Variants in LRIG1 observed in about 807,000 individuals in gnomAD.
LRIG1 encodes leucine-rich repeats and immunoglobulin-like domains protein 1.
A neutral mutation model predicts 99.2 loss-of-function variants in LRIG1; 48 were observed. The observed-to-expected ratio is 0.48, with a 90% CI of 0.38 to 0.62. The LOEUF (loss-of-function observed/expected upper bound fraction) is 0.62. LRIG1 is among the 20% of genes least tolerant of loss of function. The pLI, the probability that LRIG1 is intolerant of heterozygous loss-of-function variation, is 0.00. For missense variants in LRIG1, 1,646 were observed against 1,434.4 expected, an observed-to-expected ratio of 1.15 and a Z score of -2.38; for synonymous variants, 772 against 596.1, an observed-to-expected ratio of 1.29 and a Z score of -4.30.
In LRIG1 at chr3:66,386,194, TGGG is replaced by T. The variant is rs753634132; in HGVS notation, c.1573_1575del (p.Pro525del). On this transcript the variant is annotated inframe_deletion, in exon 13 of 19. Coordinates refer to ENST00000273261, the MANE Select transcript of LRIG1 (RefSeq NM_015541.3). ...TTGTCTTTCTTCCAGGCAAAGGTCA[TGGG>T]GGAGCTGCTGCTGCTGGCTGCTGAG... 1.9e-6 allele frequency: 3 copies of T among 1,614,012 alleles called. No individual in the cohort carries two copies. The highest frequency in any genetic ancestry group is 1.7e-6 in the Non-Finnish European group (2 of 1,180,012).
At chr3:66,492,384 A>G (rs1448058787) in intron 1 of LRIG1, among the ~76,000 whole-genome samples, 2 of 152,246 alleles carry the variant, frequency 1.3e-5, no homozygotes, top group East Asian at 1.9e-4. Context: ...AATGCTGCAT[A>G]AAGGAGTCTT....
intron 8 of LRIG1, among the ~76,000 whole-genome samples, chr3:66,405,523 G>A (rs370233518): frequency 1.0e-3 from 155 of 152,262 alleles, no homozygotes; most frequent in African/African-American, 3.3e-3. Flanking sequence ...CCCTGTCTGC[G>A]GAGGCCACAC....
intron 2 of LRIG1, among the ~76,000 whole-genome samples, chr3:66,459,393 C>T (rs1263117492): frequency 6.6e-6 from 1 of 152,202 alleles, no homozygotes; most frequent in Non-Finnish European, 1.5e-5. Context: ...AGGGTTGAAA[C>T]CATAAAAGGA....
rs1701327679 is a variant in LRIG1, at chr3:66,500,292, G to A, written c.116C>T (p.Ala39Val). 2.0e-6 allele frequency: 3 copies of A among 1,472,234 alleles called. No individual in the cohort carries two copies. The highest frequency in any genetic ancestry group is 2.5e-5 in the Admixed American group (1 of 40,154). 91.2% of individuals were successfully genotyped at this position (1,472,234 alleles called of 1,614,324 possible). The change falls in exon 1 of 19, where the codon GCG becomes GTG. Residue 39 changes from alanine to valine, a missense_variant. Coordinates refer to ENST00000273261, the MANE Select transcript of LRIG1 (RefSeq NM_015541.3). The part of the protein sequence containing the change: ...EPVTAAAGPR[A>V]PCAAACTCAG... ...GCAAGTGCAGGCGGCCGCGCAGGGCGCCCGCGGGCCGGCCGCGGCGGTCAC... is the reference window on the plus strand; with the variant it reads ...GCAAGTGCAGGCGGCCGCGCAGGGCACCCGCGGGCCGGCCGCGGCGGTCAC...
Position 66,383,853 on chromosome 3 carries a change from T to G in LRIG1, c.2071+138A>C, listed in dbSNP as rs951371934. The G allele has an allele frequency of 4.7e-6, 6 of 1,283,584 alleles. No homozygotes were observed. The Admixed American group carries it at 1.2e-4, about 25-fold the overall frequency. 79.5% of individuals were successfully genotyped at this position (1,283,584 alleles called of 1,614,324 possible). ...CTTGTTTAAGAAAAATTAACTCAAC[T>G]CAAAAAGCAGCCCCAAATTTCAAAC... On this transcript the variant is annotated intron_variant, in intron 14 of 18. Transcript: ENST00000273261.
intron 12 of LRIG1, among the ~76,000 whole-genome samples, chr3:66,388,514 A>C (rs1701490004): frequency 6.6e-6 from 1 of 152,200 alleles, no homozygotes; most frequent in South Asian, 2.1e-4. Flanking sequence ...AATCTTAATG[A>C]ACTCCAAGTA....
At chr3:66,385,714 A>G (rs948341721) in intron 13 of LRIG1, among the ~76,000 whole-genome samples, 9 of 152,182 alleles carry the variant, frequency 5.9e-5, no homozygotes, top group Non-Finnish European at 5.9e-5. Context: ...CAGTCTCCCA[A>G]CTGCTGGGAT....
chr3:66,411,792 G>T (rs545217290), intron 6 of LRIG1, among the ~76,000 whole-genome samples: 3 of 152,138 alleles, frequency 2.0e-5, no homozygotes, highest in Admixed American at 2.0e-4. Flanking sequence ...GGAGGAAATC[G>T]CAAGTGGATA....
intron 6 of LRIG1, 93 bp from the exon 7 acceptor site, chr3:66,410,365 C>T (rs1307168316): frequency 2.8e-5 from 35 of 1,241,988 alleles, no homozygotes; most frequent in East Asian, 7.0e-5. Context: ...CCTGACACTG[C>T]GGTCACACCA....
chr3:66,382,317 C>G lies in LRIG1; in HGVS notation c.2573G>C (p.Arg858Thr). The change falls in exon 16 of 19, where the codon AGG becomes ACG. Residue 858 changes from arginine (R) to threonine (T), a missense_variant. Coordinates refer to ENST00000273261, the MANE Select transcript of LRIG1 (RefSeq NM_015541.3). ...TLSDRQETVV[R>T]TEGGPQANGH... is the part of the protein sequence containing the mutation. ...ATTGGCCTGAGGGCCACCCTCGGTCCTGACCACGGTTTCTTGTCGGTCAGA... is the reference window on the plus strand; with the variant it reads ...ATTGGCCTGAGGGCCACCCTCGGTCGTGACCACGGTTTCTTGTCGGTCAGA... The G allele has an allele frequency of 6.2e-7, 1 of 1,614,232 alleles. No individual in the cohort carries two copies. Among genetic ancestry groups the G allele is most frequent in the African/African-American group, 1.3e-5 (1 of 75,060 alleles).
At chr3:66,468,780 G>A (rs1700533072) in intron 1 of LRIG1, among the ~76,000 whole-genome samples, 1 of 152,184 alleles carries the variant, frequency 6.6e-6, no homozygotes, top group African/African-American at 2.4e-5. Context: ...TTCAGCGGGT[G>A]CAAATAAGGA....
intron 3 of LRIG1, among the ~76,000 whole-genome samples, chr3:66,443,274 A>G (rs1160138470): frequency 6.7e-6 from 1 of 149,328 alleles, no homozygotes; most frequent in Non-Finnish European, 1.5e-5. Flanking sequence ...CCGCCTGTTG[A>G]AAAAGAAAAA....
intron 11 of LRIG1, among the ~76,000 whole-genome samples, chr3:66,396,156 G>A (rs1261933166): frequency 6.6e-6 from 1 of 152,174 alleles, no homozygotes; most frequent in Non-Finnish European, 1.5e-5. Flanking sequence ...TCAGACAGGA[G>A]GCCAGACTCC....
At chr3:66,420,402 T>C (rs937318812) in intron 3 of LRIG1, among the ~76,000 whole-genome samples, 1 of 152,194 alleles carries the variant, frequency 6.6e-6, no homozygotes, top group Non-Finnish European at 1.5e-5. Context: ...AAGAAGACAT[T>C]ATGGAGATTC....
chr3:66,386,063 G>GAA lies in LRIG1; in HGVS notation c.1705_1706dup (p.Gly570SerfsTer27). Reference sequence around the variant, plus strand: ...CACATTGGTAGCGGCCCTCGTGCCCGAAAGTGACCTGACGGAGGTGCAGGA... The same window carrying GAA: ...CACATTGGTAGCGGCCCTCGTGCCCGAAAAAGTGACCTGACGGAGGTGCAGGA... On this transcript the variant is annotated frameshift_variant, in exon 13 of 19. Coordinates refer to ENST00000273261, the MANE Select transcript of LRIG1 (RefSeq NM_015541.3). LOFTEE classifies it high-confidence loss of function. The GAA allele has an allele frequency of 6.2e-7, 1 of 1,614,204 alleles. No individual in the cohort carries two copies. The highest frequency in any genetic ancestry group is 8.5e-7 in the Non-Finnish European group (1 of 1,180,040).
intron 1 of LRIG1, among the ~76,000 whole-genome samples, chr3:66,464,915 C>A (rs1700437811): frequency 6.6e-6 from 1 of 152,176 alleles, no homozygotes; most frequent in African/African-American, 2.4e-5. Flanking sequence ...GTCTTCCATT[C>A]CAGTACTATC....
At position 66,500,323 on chromosome 3, in the gene LRIG1, C is replaced by A. The variant is rs765265553; in HGVS notation, c.85G>T (p.Glu29Ter). ...LLLWLLLLRL[E>*]PVTAAAGPRA... ...GGGCCGGCCGCGGCGGTCACCGGCTCCAGCCGAAGCAAAAGCAGCCAGAGA... is the reference window on the plus strand; with the variant it reads ...GGGCCGGCCGCGGCGGTCACCGGCTACAGCCGAAGCAAAAGCAGCCAGAGA... The change falls in exon 1 of 19, where the codon GAG becomes TAG. Residue 29 changes from glutamate to a stop codon, truncating the protein, a stop_gained. Coordinates refer to ENST00000273261, the MANE Select transcript of LRIG1 (RefSeq NM_015541.3). LOFTEE classifies it high-confidence loss of function. 6.7e-7 allele frequency: 1 copy of A among 1,491,544 alleles called. No homozygotes were observed. The highest frequency in any genetic ancestry group is 8.9e-7 in the Non-Finnish European group (1 of 1,126,130). 92.4% of individuals were successfully genotyped at this position (1,491,544 alleles called of 1,614,324 possible).
intron 15 of LRIG1, 105 bp from the exon 16 acceptor site, chr3:66,382,503 T>C (rs1701136889): frequency 1.5e-6 from 2 of 1,324,594 alleles, no homozygotes; most frequent in African/African-American, 1.5e-5. Context: ...GTGACGACCA[T>C]CAGCGCTGTG....
In LRIG1 at chr3:66,406,340, C is replaced by T. The variant is rs967003921; in HGVS notation, c.1079+1008G>A. On this transcript the variant is annotated intron_variant, in intron 8 of 18. Coordinates refer to ENST00000273261, the MANE Select transcript of LRIG1 (RefSeq NM_015541.3). ...GTGTGCCTGTCTCTCTGCTCCTAGC[C>T]CTGGCTGCCAAAGTTTTTCTCTCCT... 1.4e-5 allele frequency: 14 copies of T among 985,490 alleles called. No individual in the cohort carries two copies. The East Asian group carries it at 1.4e-3, about 96-fold the overall frequency. The allele number at this position is 985,490 out of a possible 1,614,324, so 61.0% of individuals were successfully genotyped here. A position where few individuals can be genotyped will look rare whatever the true frequency, so the allele number is the denominator to read the frequency against.
Sources: gnomAD v4.1 joint callset for allele counts (sites outside exome capture counted in the v4.1 genomes callset) on GRCh38, gnomAD v4.1.1 for gene constraint, MANE v1.5 for transcripts, NCBI Gene and HGNC (gene_info 2026-07-23, HGNC 2026-07-21) for gene names.